CHSY3: variants seen among roughly 807,000 people sequenced by gnomAD.
CHSY3 encodes the protein N-acetylgalactosaminyl-proteoglycan 3-beta-glucuronosyltransferase 3.
Under a neutral mutation model 67.2 loss-of-function variants are expected in CHSY3, and 35 were observed. That is an observed-to-expected ratio of 0.52 (90% confidence interval 0.40 to 0.69). The LOEUF is 0.69. CHSY3 is among the 30% of genes least tolerant of loss of function. The pLI, the probability that CHSY3 is intolerant of heterozygous loss-of-function variation, is 0.00. For missense variants in CHSY3, 1,069 were observed against 1,138.5 expected, an observed-to-expected ratio of 0.94 and a Z score of 0.88; for synonymous variants, 474 against 434.7, an observed-to-expected ratio of 1.09 and a Z score of -1.12.
intron 2 of CHSY3, among the ~76,000 whole-genome samples, chr5:130,060,847 AC>A (rs1765688522): frequency 6.6e-6 from 1 of 152,130 alleles, no homozygotes; most frequent in South Asian, 2.1e-4. Flanking sequence ...ACCTAGGAAT[AC>A]ATTTAACCAA....
chr5:130,013,981 ATC>A (rs1764138878), intron 2 of CHSY3, among the ~76,000 whole-genome samples: 1 of 152,162 alleles, frequency 6.6e-6, no homozygotes, highest in African/African-American at 2.4e-5. Context: ...ACCCTAAATC[ATC>A]TCTTTCAAGT....
At chr5:130,043,969 A>G (rs1213991638) in intron 2 of CHSY3, among the ~76,000 whole-genome samples, 1 of 152,148 alleles carries the variant, frequency 6.6e-6, no homozygotes, top group East Asian at 1.9e-4. Flanking sequence ...TGCTGAGGTT[A>G]AAATGCATGT....
At chr5:129,970,921 A>G (rs1400941619) in intron 2 of CHSY3, among the ~76,000 whole-genome samples, 1 of 151,864 alleles carries the variant, frequency 6.6e-6, no homozygotes, top group Non-Finnish European at 1.5e-5. Flanking sequence ...ATCAATGTAA[A>G]TGTCTCTACT....
intron 2 of CHSY3, among the ~76,000 whole-genome samples, chr5:130,085,805 T>G (rs1219415732): frequency 6.6e-6 from 1 of 152,150 alleles, no homozygotes; most frequent in Non-Finnish European, 1.5e-5. Flanking sequence ...TTCTAGTATG[T>G]TGTGTCTTTG....
At chr5:130,139,488 G>A (rs964752235) in intron 2 of CHSY3, among the ~76,000 whole-genome samples, 3 of 152,214 alleles carry the variant, frequency 2.0e-5, no homozygotes, top group Non-Finnish European at 4.4e-5. Flanking sequence ...TAAAAGAGGA[G>A]AGCAACACTT....
At chr5:130,078,636 G>A (rs187383382) in intron 2 of CHSY3, among the ~76,000 whole-genome samples, 1 of 152,188 alleles carries the variant, frequency 6.6e-6, no homozygotes, top group African/African-American at 2.4e-5. Context: ...TGCTCTCCTA[G>A]TCACTATTAT....
intron 2 of CHSY3, among the ~76,000 whole-genome samples, chr5:129,976,868 T>G (rs1195930965): frequency 6.6e-6 from 1 of 151,136 alleles, no homozygotes; most frequent in Non-Finnish European, 1.5e-5. Flanking sequence ...ATACTTTGCT[T>G]TGTTAAGACA....
chr5:129,992,906 T>A (rs1040003657), intron 2 of CHSY3, among the ~76,000 whole-genome samples: 2 of 152,192 alleles, frequency 1.3e-5, no homozygotes, highest in African/African-American at 4.8e-5. Context: ...TTCTCACACA[T>A]ATCTATTATT....
intron 2 of CHSY3, chr5:130,141,619 G>A: frequency 1.9e-6 from 1 of 514,360 alleles, no homozygotes; most frequent in South Asian, 1.5e-5. Flanking sequence ...GAAGCAGAAG[G>A]ACAAGATGTC....
intron 2 of CHSY3, among the ~76,000 whole-genome samples, chr5:130,018,067 T>G (rs545157268): frequency 6.6e-6 from 1 of 152,290 alleles, no homozygotes; most frequent in African/African-American, 2.4e-5. Flanking sequence ...GAGGTACGTC[T>G]TTAGGTTCTT....
chr5:130,164,959 A>G (rs1011299785), intron 2 of CHSY3, among the ~76,000 whole-genome samples: 1 of 152,158 alleles, frequency 6.6e-6, no homozygotes, highest in African/African-American at 2.4e-5. Context: ...TAAGTAGAAA[A>G]AAAAGACATA....
rs142086130 is a variant in CHSY3 at position 130,109,305 on chromosome 5, A to G, written c.1087-74924A>G. On this transcript the variant is annotated intron_variant, in intron 2 of 2. Transcript: ENST00000305031. The stretch of plus-strand genomic sequence containing the variant: ...CATAGATTTCCTTTAAATTTTCACT[A>G]GAGAAGCACAAAAATGCCATACTTT... Among the ~76,000 whole-genome samples, 213 of 151,768 alleles carry G rather than the reference A, an allele frequency of 1.4e-3. 1 individual carries two copies. Among genetic ancestry groups the G allele is most frequent in the African/African-American group, 4.9e-3 (204 of 41,510 alleles).
At chr5:130,096,621 A>T (rs951194133) in intron 2 of CHSY3, among the ~76,000 whole-genome samples, 3 of 152,138 alleles carry the variant, frequency 2.0e-5, no homozygotes, top group African/African-American at 7.2e-5. Flanking sequence ...CTCAAAATAA[A>T]GTTTTTTTTT....
chr5:129,925,862 A>G (rs116405308), intron 2 of CHSY3, among the ~76,000 whole-genome samples: 21 of 147,960 alleles, frequency 1.4e-4, no homozygotes, highest in African/African-American at 5.2e-4. Flanking sequence ...GTATTCTTGA[A>G]TATTTCTTAT....
intron 2 of CHSY3, among the ~76,000 whole-genome samples, chr5:130,065,706 A>T (rs947240261): frequency 6.6e-6 from 1 of 152,150 alleles, no homozygotes; most frequent in African/African-American, 2.4e-5. Context: ...AGGTTCAGAC[A>T]AAGTTGTATT....
intron 2 of CHSY3, among the ~76,000 whole-genome samples, chr5:130,000,885 CTTTT>C (rs545172978): frequency 8.0e-6 from 1 of 124,656 alleles, no homozygotes. Flanking sequence ...AGCCTGTCTT[CTTTT>C]TTTTTTTTTT....
chr5:130,165,541 T>A (rs147463107), intron 2 of CHSY3, among the ~76,000 whole-genome samples: 12 of 152,196 alleles, frequency 7.9e-5, no homozygotes, highest in African/African-American at 2.9e-4. Flanking sequence ...AGTTTTGTTT[T>A]TGCTTTAAAA....
rs530761029 is a variant in CHSY3 at position 130,057,586 on chromosome 5, T to G, written c.1087-126643T>G. Among the ~76,000 whole-genome samples the G allele has an allele frequency of 3.6e-4, 55 of 152,298 alleles. 1 individual carries two copies. In the South Asian group the frequency reaches 7.9e-3, roughly 22 times the overall value. ...AGTTTATCTTACTGTTTGTAGCATTTTTATTCATTTTCAGAGCTGGTAGCA... is the reference window on the plus strand; with the variant it reads ...AGTTTATCTTACTGTTTGTAGCATTGTTATTCATTTTCAGAGCTGGTAGCA... On this transcript the variant is annotated intron_variant, in intron 2 of 2. Transcript: ENST00000305031.
At chr5:130,088,858 C>T (rs1462429461) in intron 2 of CHSY3, among the ~76,000 whole-genome samples, 1 of 152,066 alleles carries the variant, frequency 6.6e-6, no homozygotes, top group Non-Finnish European at 1.5e-5. Flanking sequence ...TTGACCCAGC[C>T]ATCCCATTAC....
Sources: gnomAD v4.1 joint callset for allele counts (sites outside exome capture counted in the v4.1 genomes callset) on GRCh38, gnomAD v4.1.1 for gene constraint, MANE v1.5 for transcripts, NCBI Gene and HGNC (gene_info 2026-07-23, HGNC 2026-07-21) for gene names.